OPCML: variants seen among roughly 807,000 people sequenced by gnomAD.
The protein encoded by OPCML is opioid binding protein/cell adhesion molecule like.
In OPCML, 13 loss-of-function variants were observed where a neutral mutation model predicts 37.8. That is an observed-to-expected ratio of 0.34 (90% confidence interval 0.22 to 0.55). The LOEUF (loss-of-function observed/expected upper bound fraction) is 0.55. Among genes scored for constraint, OPCML ranks in the 20% least tolerant of loss-of-function variants. The pLI, the probability that OPCML is intolerant of heterozygous loss-of-function variation, is 0.91. For missense variants in OPCML, 341 were observed against 435.6 expected, an observed-to-expected ratio of 0.78 and a Z score of 1.93; for synonymous variants, 176 against 168.8, an observed-to-expected ratio of 1.04 and a Z score of -0.33.
chr11:133,046,868 C>T (rs968248737), intron 1 of OPCML, among the ~76,000 whole-genome samples: 2 of 152,106 alleles, frequency 1.3e-5, no homozygotes, highest in African/African-American at 4.8e-5. Flanking sequence ...ATAGAACTGC[C>T]AGTGACACCC....
intron 2 of OPCML, among the ~76,000 whole-genome samples, chr11:132,926,394 G>C (rs774302440): frequency 2.0e-5 from 3 of 152,092 alleles, no homozygotes; most frequent in African/African-American, 4.8e-5. Context: ...TACTTGCAGA[G>C]AAAAATAAAA....
chr11:132,739,838 A>G (rs896007315), intron 2 of OPCML, among the ~76,000 whole-genome samples: 17 of 152,190 alleles, frequency 1.1e-4, no homozygotes, highest in Admixed American at 4.6e-4. Flanking sequence ...GTACAGTCAA[A>G]ATCAATGCCT....
chr11:133,113,901 G>C (rs1288936445), intron 1 of OPCML, among the ~76,000 whole-genome samples: 1 of 152,186 alleles, frequency 6.6e-6, no homozygotes, highest in Non-Finnish European at 1.5e-5. Flanking sequence ...CTCTTCCTGA[G>C]AGAACCATTC....
At chr11:132,442,396 C>T (rs914353079) in intron 4 of OPCML, among the ~76,000 whole-genome samples, 2 of 152,170 alleles carry the variant, frequency 1.3e-5, no homozygotes, top group African/African-American at 4.8e-5. Flanking sequence ...TTTGTGCCAG[C>T]GATATCTCAG....
chr11:133,385,666 G>T (rs747329431), intron 1 of OPCML, among the ~76,000 whole-genome samples: 1 of 152,010 alleles, frequency 6.6e-6, no homozygotes, highest in African/African-American at 2.4e-5. Flanking sequence ...CTGAAACTTC[G>T]ATGATTAGGC....
chr11:133,161,490 A>G (rs1950141119), intron 1 of OPCML, among the ~76,000 whole-genome samples: 1 of 152,178 alleles, frequency 6.6e-6, no homozygotes. Context: ...TGTGAGTGGC[A>G]GCTGGCAGAA....
chr11:132,622,485 ACT>A (rs1242357661), intron 3 of OPCML, among the ~76,000 whole-genome samples: 2 of 152,194 alleles, frequency 1.3e-5, no homozygotes, highest in Admixed American at 6.5e-5. Flanking sequence ...AGAGAGAGGG[ACT>A]AACCAACTGC....
chr11:133,207,937 A>G (rs942417490), intron 1 of OPCML, among the ~76,000 whole-genome samples: 1 of 152,020 alleles, frequency 6.6e-6, no homozygotes, highest in East Asian at 1.9e-4. Flanking sequence ...GTCTTCATTC[A>G]TGCTGTGTTT....
At chr11:133,029,457 A>T (rs1038257795) in intron 1 of OPCML, among the ~76,000 whole-genome samples, 1 of 152,232 alleles carries the variant, frequency 6.6e-6, no homozygotes, top group Non-Finnish European at 1.5e-5. Context: ...TAGCAATGAC[A>T]TGGAATCAAC....
At chr11:133,194,203 C>T (rs905030223) in intron 1 of OPCML, among the ~76,000 whole-genome samples, 2 of 133,036 alleles carry the variant, frequency 1.5e-5, no homozygotes, top group African/African-American at 3.0e-5. Flanking sequence ...CCCCTTCCCC[C>T]ACTTTTTTTT....
intron 1 of OPCML, among the ~76,000 whole-genome samples, chr11:133,398,272 C>A (rs1002528964): frequency 2.7e-4 from 41 of 152,350 alleles, no homozygotes; most frequent in African/African-American, 9.6e-4. Context: ...AGTCTCTCAG[C>A]TGTCCTGGGA....
At chr11:133,472,661 G>A (rs1056184808) in intron 1 of OPCML, among the ~76,000 whole-genome samples, 1 of 151,776 alleles carries the variant, frequency 6.6e-6, no homozygotes, top group Non-Finnish European at 1.5e-5. Context: ...AATAGTCCTC[G>A]GATCCAGAAA....
At chr11:133,493,376 C>T (rs1231318974) in intron 1 of OPCML, among the ~76,000 whole-genome samples, 2 of 152,224 alleles carry the variant, frequency 1.3e-5, no homozygotes, top group Non-Finnish European at 2.9e-5. Flanking sequence ...AGGATAAATA[C>T]ACAAGGCACC....
intron 2 of OPCML, among the ~76,000 whole-genome samples, chr11:132,932,992 T>G (rs1417452839): frequency 1.3e-5 from 2 of 152,166 alleles, no homozygotes; most frequent in Admixed American, 1.3e-4. Flanking sequence ...GTTCTTAACC[T>G]CTTGATAGAG....
chr11:133,114,359 T>C (rs2137100316), intron 1 of OPCML, among the ~76,000 whole-genome samples: 1 of 152,344 alleles, frequency 6.6e-6, no homozygotes, highest in East Asian at 1.9e-4. Flanking sequence ...GTCTCTTTTT[T>C]TTCTTTTTTT....
chr11:132,771,633 T>A (rs533417992), intron 2 of OPCML: 1 of 152,354 alleles, frequency 6.6e-6, no homozygotes, highest in South Asian at 2.1e-4. Flanking sequence ...CTTGTCAGCA[T>A]AAGTTTATTC....
rs573787570 is a variant in OPCML, at chr11:133,206,833, A to G, written c.62-263823T>C. Among the ~76,000 whole-genome samples the G allele has an allele frequency of 1.3e-5, 2 of 152,258 alleles. No individual in the cohort carries two copies. The highest frequency in any genetic ancestry group is 3.9e-4 in the East Asian group (2 of 5,162). On this transcript the variant is annotated intron_variant, in intron 1 of 7. Transcript: ENST00000524381. The surrounding 1 kb of genome is among the most constrained non-coding windows in gnomAD (Gnocchi z 4.7). Reference sequence around the variant, plus strand: ...ACCCACGCTTACCCTCCACACTCTCACGATGTCCACACAGCTACGGTGACC... The same window carrying G: ...ACCCACGCTTACCCTCCACACTCTCGCGATGTCCACACAGCTACGGTGACC...
intron 1 of OPCML, among the ~76,000 whole-genome samples, chr11:133,496,455 A>T (rs1193388528): frequency 6.6e-6 from 1 of 151,934 alleles, no homozygotes; most frequent in Non-Finnish European, 1.5e-5. Flanking sequence ...TGGTATTTTG[A>T]TGGGGATGTG....
At chr11:132,968,112 G>A (rs960260551) in intron 1 of OPCML, among the ~76,000 whole-genome samples, 1 of 152,100 alleles carries the variant, frequency 6.6e-6, no homozygotes, top group African/African-American at 2.4e-5. Context: ...ATTTTGTTAG[G>A]TTTCTAGTTA....
Sources: gnomAD v4.1 joint callset for allele counts (sites outside exome capture counted in the v4.1 genomes callset) on GRCh38, gnomAD v4.1.1 for gene constraint, Gnocchi (gnomAD v3.1) non-coding constraint, MANE v1.5 for transcripts, NCBI Gene and HGNC (gene_info 2026-07-23, HGNC 2026-07-21) for gene names.